The following GRM5 variants were observed in gnomAD, a reference collection of about 807,000 sequenced individuals.
GRM5 encodes the protein metabotropic glutamate receptor 5.
Under a neutral mutation model 83.1 loss-of-function variants are expected in GRM5, and 19 were observed. That is an observed-to-expected ratio of 0.23 (90% CI 0.16 to 0.34). The LOEUF is 0.34. Ranked by LOEUF, GRM5 falls within the 10% of genes least tolerant of loss-of-function variation. The pLI is 1.00. For synonymous variants in GRM5, 675 were observed against 633.6 expected (o/e 1.07, Z -0.98); for missense variants, 1,160 against 1,588.3 (o/e 0.73, Z 4.58).
At chr11:88,593,287 T>C (rs1338940343) in intron 6 of GRM5, among the ~76,000 whole-genome samples, 1 of 152,162 alleles carries the variant, frequency 6.6e-6, no homozygotes, top group Non-Finnish European at 1.5e-5. Context: ...AAATTGTACA[T>C]TTAATAGAGT....
intron 2 of GRM5, among the ~76,000 whole-genome samples, chr11:89,039,530 T>C (rs1013987047): frequency 1.2e-4 from 19 of 152,158 alleles, no homozygotes; most frequent in African/African-American, 4.3e-4. Context: ...ACAGTTCTGC[T>C]AATAAACAAA....
intron 8 of GRM5, among the ~76,000 whole-genome samples, chr11:88,561,652 T>G (rs1034777533): frequency 7.9e-5 from 12 of 152,294 alleles, no homozygotes; most frequent in African/African-American, 1.9e-4. Context: ...TGACAATGAT[T>G]TGATGCTGCA....
chr11:88,830,142 A>C (rs898932522), intron 3 of GRM5, among the ~76,000 whole-genome samples: 1 of 152,130 alleles, frequency 6.6e-6, no homozygotes, highest in Non-Finnish European at 1.5e-5. Flanking sequence ...ATGCACTAGC[A>C]TAATGTCTAC....
chr11:88,653,092 C>CT, intron 4 of GRM5, 76 bp downstream of exon 4: 1 of 875,988 alleles, frequency 1.1e-6, no homozygotes, highest in Non-Finnish European at 1.9e-6. Flanking sequence ...ATTACAGCCA[C>CT]TATCCCCATG....
intron 3 of GRM5, among the ~76,000 whole-genome samples, chr11:88,783,638 C>G (rs1461005163): frequency 2.0e-5 from 3 of 151,776 alleles, no homozygotes; most frequent in African/African-American, 7.3e-5. Flanking sequence ...TTTTCTCCCT[C>G]TCTCTCTCTG....
intron 8 of GRM5, among the ~76,000 whole-genome samples, chr11:88,545,397 T>C (rs1426249420): frequency 6.6e-6 from 1 of 152,118 alleles, no homozygotes; most frequent in Non-Finnish European, 1.5e-5. Flanking sequence ...TCTTTTACCT[T>C]ACCCACCCCA....
At chr11:88,636,923 G>A (rs1306057277) in intron 4 of GRM5, among the ~76,000 whole-genome samples, 1 of 152,084 alleles carries the variant, frequency 6.6e-6, no homozygotes, top group Non-Finnish European at 1.5e-5. Flanking sequence ...CTCTATTTTG[G>A]TACCAGTACC....
At chr11:88,982,818 G>A (rs1836428352) in intron 2 of GRM5, among the ~76,000 whole-genome samples, 2 of 152,146 alleles carry the variant, frequency 1.3e-5, no homozygotes, top group South Asian at 4.1e-4. Flanking sequence ...TTTAATCCCA[G>A]CATTTTGGGA....
chr11:88,607,129 T>C (rs547599259), intron 4 of GRM5, among the ~76,000 whole-genome samples: 3 of 152,180 alleles, frequency 2.0e-5, no homozygotes, highest in Non-Finnish European at 2.9e-5. Flanking sequence ...TGTGACATAA[T>C]ATAAGATGGG....
At chr11:88,659,882 A>T (rs1939859632) in intron 3 of GRM5, among the ~76,000 whole-genome samples, 2 of 83,268 alleles carry the variant, frequency 2.4e-5, no homozygotes. Flanking sequence ...TGCAGACAAT[A>T]TAATTTTTTC....
chr11:88,860,450 T>A (rs1397750285), intron 2 of GRM5, among the ~76,000 whole-genome samples: 1 of 152,140 alleles, frequency 6.6e-6, no homozygotes, highest in Non-Finnish European at 1.5e-5. Flanking sequence ...GGTGAGTTAT[T>A]TATTTTGCCT....
intron 3 of GRM5, among the ~76,000 whole-genome samples, chr11:88,840,115 T>G (rs544026318): frequency 7.9e-5 from 12 of 152,234 alleles, no homozygotes; most frequent in East Asian, 5.8e-4. Context: ...GCACACTTAG[T>G]TTAACTTAAC....
At chr11:88,672,990 A>G (rs1940229798) in intron 3 of GRM5, among the ~76,000 whole-genome samples, 1 of 151,990 alleles carries the variant, frequency 6.6e-6, no homozygotes, top group African/African-American at 2.4e-5. Flanking sequence ...CATTTGCAGC[A>G]CTGCAAATAT....
intron 3 of GRM5, among the ~76,000 whole-genome samples, chr11:88,725,909 A>G (rs1941668652): frequency 6.6e-6 from 1 of 152,208 alleles, no homozygotes; most frequent in African/African-American, 2.4e-5. Context: ...CCAAAGGTAG[A>G]TAAATCCACG....
intron 2 of GRM5, among the ~76,000 whole-genome samples, chr11:88,987,189 T>A (rs1939750451): frequency 6.6e-6 from 1 of 152,052 alleles, no homozygotes. Flanking sequence ...AGGCATTGCC[T>A]CACTCGGGAA....
chr11:88,855,331 T>A (rs1243544989), intron 2 of GRM5, among the ~76,000 whole-genome samples: 3 of 151,934 alleles, frequency 2.0e-5, no homozygotes, highest in Non-Finnish European at 4.4e-5. Flanking sequence ...TTCATATGTA[T>A]CACAGACACC....
intron 2 of GRM5, among the ~76,000 whole-genome samples, chr11:88,912,942 T>C (rs1162429018): frequency 1.3e-5 from 2 of 152,218 alleles, no homozygotes; most frequent in African/African-American, 2.4e-5. Flanking sequence ...GAACTTGGGA[T>C]TGCAAATTTG....
chr11:88,867,800 T>C (rs1338871631), intron 2 of GRM5, among the ~76,000 whole-genome samples: 2 of 151,760 alleles, frequency 1.3e-5, no homozygotes, highest in African/African-American at 2.4e-5. Flanking sequence ...TGAGACCTTG[T>C]TCTTGGACTT....
At chr11:88,575,135 C>T (rs948290398) in intron 7 of GRM5, among the ~76,000 whole-genome samples, 32 of 151,978 alleles carry the variant, frequency 2.1e-4, no homozygotes, top group African/African-American at 6.8e-4. Context: ...AAAAGAGAGT[C>T]TTTATCCAAG....
Sources: gnomAD v4.1 joint callset for allele counts (sites outside exome capture counted in the v4.1 genomes callset) on GRCh38, gnomAD v4.1.1 for gene constraint, MANE v1.5 for transcripts, NCBI Gene and HGNC (gene_info 2026-07-23, HGNC 2026-07-21) for gene names.